The following CFAP77 variants were observed in gnomAD, a reference collection of about 807,000 sequenced individuals.
The protein encoded by CFAP77 is cilia- and flagella-associated protein 77.
In CFAP77, 25 loss-of-function variants were observed where a neutral mutation model predicts 31.1. The observed-to-expected ratio is 0.80, with a 90% confidence interval of 0.59 to 1.12. CFAP77 has a LOEUF of 1.12. Ranked by LOEUF, CFAP77 falls within the 50% of genes most tolerant of loss-of-function variation. The pLI is 0.00. For synonymous variants in CFAP77, 151 were observed against 159.9 expected, an observed-to-expected ratio of 0.94 and a Z score of 0.42; for missense variants, 377 against 397.3, an observed-to-expected ratio of 0.95 and a Z score of 0.44.
intron 1 of CFAP77, among the ~76,000 whole-genome samples, chr9:132,438,957 C>T (rs2131700250): frequency 6.6e-6 from 1 of 150,826 alleles, no homozygotes. Context: ...CTCACTGCAA[C>T]CTCTGCCTCC....
chr9:132,571,019 C>T lies in CFAP77; in HGVS notation c.733-1369C>T, dbSNP rs1021878079. ...CCCTACAAGCCCCTCCTTATCTTCC[C>T]TCTACCCCCTTTTAATATTTCATCC... On this transcript the variant is annotated intron_variant, in intron 5 of 5. Transcript: ENST00000393216. Among the ~76,000 whole-genome samples the T allele has an allele frequency of 1.0e-3, 153 of 152,246 alleles. 1 individual carries two copies. Among genetic ancestry groups the T allele is most frequent in the Non-Finnish European group, 4.4e-5 (3 of 68,014 alleles).
intron 1 of CFAP77, among the ~76,000 whole-genome samples, chr9:132,489,299 G>A (rs549854707): frequency 6.6e-6 from 1 of 152,144 alleles, no homozygotes; most frequent in Non-Finnish European, 1.5e-5. Context: ...TTTGAGCCTC[G>A]ACTCCTTGCT....
rs1852032119 is a variant in CFAP77 at position 132,511,257 on chromosome 9, A to T, written c.524+11657A>T. On this transcript the variant is annotated intron_variant, in intron 3 of 5. Coordinates refer to ENST00000393216, the MANE Select transcript of CFAP77 (RefSeq NM_001282957.2). This position sits in a 1 kb window ranked among gnomAD's most constrained non-coding sequence, Gnocchi z 5.8. ...GACTCCCCCAAGCTAAACCTCCTTC[A>T]GTCCCCTGAACTCCCTCCCTCCCCA... Among the ~76,000 whole-genome samples the T allele has an allele frequency of 6.6e-6, 1 of 152,116 alleles. No individual in the cohort carries two copies. Among genetic ancestry groups the T allele is most frequent in the South Asian group, 2.1e-4 (1 of 4,826 alleles).
chr9:132,458,210 G>A (rs1192929943), intron 1 of CFAP77, among the ~76,000 whole-genome samples: 1 of 152,180 alleles, frequency 6.6e-6, no homozygotes, highest in South Asian at 2.1e-4. Context: ...CCGTTATCCC[G>A]GAGCCAGGGG....
rs113226727 is a variant in CFAP77 at position 132,554,939 on chromosome 9, C to CCCATCCAT, written c.732+11935_732+11942dup. 0.023 allele frequency among the ~76,000 whole-genome samples: 3,316 copies of CCCATCCAT among 146,656 alleles called. 56 individuals are homozygous for CCCATCCAT. Among genetic ancestry groups the CCCATCCAT allele is most frequent in the East Asian group, 0.032 (157 of 4,862 alleles). On this transcript the variant is annotated intron_variant, in intron 5 of 5. Coordinates refer to ENST00000393216, the MANE Select transcript of CFAP77 (RefSeq NM_001282957.2). The surrounding 1 kb of genome is among the most constrained non-coding windows in gnomAD (Gnocchi z 4.1). Reference sequence around the variant, plus strand: ...ATGCATGCATGCATCCATCCATCCACCCATCCATCCATCCATCCATCCATC... The same window carrying CCCATCCAT: ...ATGCATGCATGCATCCATCCATCCACCCATCCATCCATCCATCCATCCATCCATCCATC...
At chr9:132,415,362 C>T (rs570245845) in intron 1 of CFAP77, among the ~76,000 whole-genome samples, 1 of 151,930 alleles carries the variant, frequency 6.6e-6, no homozygotes, top group South Asian at 2.1e-4. Context: ...AGGCAGGAAA[C>T]TAACCCCCCC....
chr9:132,458,033 G>T (rs1190630522), intron 1 of CFAP77, among the ~76,000 whole-genome samples: 1 of 152,098 alleles, frequency 6.6e-6, no homozygotes, highest in African/African-American at 2.4e-5. Flanking sequence ...TCCCTCCCTC[G>T]TCATATTTTA....
At chr9:132,448,613 T>C (rs1363785106) in intron 1 of CFAP77, among the ~76,000 whole-genome samples, 1 of 152,086 alleles carries the variant, frequency 6.6e-6, no homozygotes, top group East Asian at 1.9e-4. Context: ...TGAGACAGAG[T>C]TTCGCTCTTG....
intron 1 of CFAP77, among the ~76,000 whole-genome samples, chr9:132,411,485 C>T (rs977629690): frequency 2.6e-5 from 4 of 152,176 alleles, no homozygotes; most frequent in African/African-American, 9.7e-5. Flanking sequence ...TCCCTAAACT[C>T]GGTCCTGAGA....
Position 132,519,574 on chromosome 9 carries a change from A to AGATGGATG in CFAP77, c.525-17989_525-17982dup, listed in dbSNP as rs1226920030. ...TGGATGAATGGATGGATGGATGGAT[A>AGATGGATG]GATGGATGGATGGATGGATGGATGG... On this transcript the variant is annotated intron_variant, in intron 3 of 5. Transcript: ENST00000393216. Among the ~76,000 whole-genome samples the AGATGGATG allele has an allele frequency of 2.8e-3, 117 of 41,830 alleles. 1 individual carries two copies. The highest frequency in any genetic ancestry group is 0.038 in the Middle Eastern group (1 of 26). 27.4% of individuals were successfully genotyped at this position (41,830 alleles called of 152,430 possible).
chr9:132,495,409 A>G lies in CFAP77; in HGVS notation c.196-3286A>G, dbSNP rs998154083. Among the ~76,000 whole-genome samples, 1 of 152,106 alleles carries G rather than the reference A, an allele frequency of 6.6e-6. No homozygotes were observed. Among genetic ancestry groups the G allele is most frequent in the African/African-American group, 2.4e-5 (1 of 41,394 alleles). On this transcript the variant is annotated intron_variant, in intron 1 of 5. Coordinates refer to ENST00000393216, the MANE Select transcript of CFAP77 (RefSeq NM_001282957.2). This position sits in a 1 kb window ranked among gnomAD's most constrained non-coding sequence, Gnocchi z 4.2. ...GTCTCTCCCAGAGAAGTCACATTTT[A>G]ATTAACTTCCCCGGCAGTCACTGGA... is the stretch of plus-strand genomic sequence containing the variant.
chr9:132,542,505 C>T (rs568365267), intron 4 of CFAP77, among the ~76,000 whole-genome samples: 74 of 152,356 alleles, frequency 4.9e-4, no homozygotes, highest in African/African-American at 1.7e-3. Context: ...CTCACTCCTC[C>T]TGCACGAGCA....
At position 132,539,646 on chromosome 9, in the gene CFAP77, G is replaced by A. The variant is rs577269867; in HGVS notation, c.630+1940G>A. Among the ~76,000 whole-genome samples the A allele has an allele frequency of 9.2e-5, 14 of 152,328 alleles. No homozygotes were observed. Among genetic ancestry groups the A allele is most frequent in the African/African-American group, 3.4e-4 (14 of 41,578 alleles). ...TCCTGGTACCCTCAGGAGGGGCCAGGAGGGGTGCACGAAGTGGGAGGCTGA... is the reference window on the plus strand; with the variant it reads ...TCCTGGTACCCTCAGGAGGGGCCAGAAGGGGTGCACGAAGTGGGAGGCTGA... On this transcript the variant is annotated intron_variant, in intron 4 of 5. Coordinates refer to ENST00000393216, the MANE Select transcript of CFAP77 (RefSeq NM_001282957.2). This position sits in a 1 kb window ranked among gnomAD's most constrained non-coding sequence, Gnocchi z 4.3.
intron 3 of CFAP77, among the ~76,000 whole-genome samples, chr9:132,530,857 C>T (rs1852432446): frequency 6.6e-6 from 1 of 152,064 alleles, no homozygotes; most frequent in African/African-American, 2.4e-5. Context: ...GCCTTAGATC[C>T]CAAACATTTT....
rs1564220655 is a variant in CFAP77, at chr9:132,481,697, G to A, written c.196-16998G>A. ...TCCCAGCTTTGTGCTGAAATGAAGA[G>A]CCGCCGCTTCCTCTCCCAGCCGACC... On this transcript the variant is annotated intron_variant, in intron 1 of 5. Coordinates refer to ENST00000393216, the MANE Select transcript of CFAP77 (RefSeq NM_001282957.2). This position sits in a 1 kb window ranked among gnomAD's most constrained non-coding sequence, Gnocchi z 5.0. Among the ~76,000 whole-genome samples, 1 of 152,304 alleles carries A rather than the reference G, an allele frequency of 6.6e-6. No individual in the cohort carries two copies. Among genetic ancestry groups the A allele is most frequent in the Admixed American group, 6.5e-5 (1 of 15,302 alleles).
Position 132,573,075 on chromosome 9 carries a change from A to C in CFAP77, c.*565A>C, listed in dbSNP as rs570211246. ...TACTCGAGCCTGCCCCCGCCTCCTC[A>C]GTGCTGGGGCCCCGTCAATCAAGCA... On this transcript the variant is annotated 3_prime_UTR_variant, in exon 6 of 6. Transcript: ENST00000393216. 6.6e-6 allele frequency: 1 copy of C among 152,464 alleles called. No homozygotes were observed. The highest frequency in any genetic ancestry group is 1.9e-4 in the East Asian group (1 of 5,196). The allele number at this position is 152,464 out of a possible 1,614,324, so 9.4% of individuals were successfully genotyped here. A position where few individuals can be genotyped will look rare whatever the true frequency, so the allele number is the denominator to read the frequency against.
intron 5 of CFAP77, among the ~76,000 whole-genome samples, chr9:132,559,397 A>G (rs912543806): frequency 2.7e-5 from 4 of 150,222 alleles, no homozygotes; most frequent in Non-Finnish European, 4.4e-5. Flanking sequence ...ATTTCTCCAA[A>G]GGAGATAAAC....
intron 1 of CFAP77, among the ~76,000 whole-genome samples, chr9:132,460,661 G>C (rs1271930816): frequency 6.6e-6 from 1 of 152,100 alleles, no homozygotes; most frequent in Non-Finnish European, 1.5e-5. Flanking sequence ...ATAACCTTTT[G>C]GGGTGATGAA....
At chr9:132,461,896 A>G (rs1183185040) in intron 1 of CFAP77, among the ~76,000 whole-genome samples, 1 of 152,206 alleles carries the variant, frequency 6.6e-6, no homozygotes. Flanking sequence ...GAATGCAGTA[A>G]GCATTTTTTA....
Sources: gnomAD v4.1 joint callset for allele counts (sites outside exome capture counted in the v4.1 genomes callset) on GRCh38, gnomAD v4.1.1 for gene constraint, Gnocchi (gnomAD v3.1) non-coding constraint, MANE v1.5 for transcripts, NCBI Gene and HGNC (gene_info 2026-07-23, HGNC 2026-07-21) for gene names.